ALDH1L2: variants seen among roughly 807,000 people sequenced by gnomAD.
ALDH1L2 encodes mitochondrial 10-formyltetrahydrofolate dehydrogenase.
Under a neutral mutation model 111.0 loss-of-function variants are expected in ALDH1L2, and 91 were observed. The observed-to-expected ratio is 0.82, with a 90% CI of 0.69 to 0.98. The LOEUF (loss-of-function observed/expected upper bound fraction) is 0.98, where lower values mean the gene tolerates loss of function less well. Among genes scored for constraint, ALDH1L2 ranks in the 50% least tolerant of loss-of-function variants. ALDH1L2 has a pLI of 0.00. For synonymous variants in ALDH1L2, 374 were observed against 392.6 expected (o/e 0.95, Z 0.56); for missense variants, 995 against 1,126.8 (o/e 0.88, Z 1.67).
At chr12:105,024,658 C>T (rs1162375966) in intron 22 of ALDH1L2, among the ~76,000 whole-genome samples, 179 bp from the exon 23 acceptor site, 1 of 152,208 alleles carries the variant, frequency 6.6e-6, no homozygotes, top group African/African-American at 2.4e-5. Flanking sequence ...TGTTAAGTTG[C>T]AGATCCTGAT....
intron 11 of ALDH1L2, among the ~76,000 whole-genome samples, chr12:105,052,509 A>G (rs1430856919): frequency 6.6e-6 from 1 of 152,184 alleles, no homozygotes; most frequent in African/African-American, 2.4e-5. Context: ...TCTTGCCATG[A>G]GTCTTCAAAG....
At position 105,081,357 on chromosome 12, in the gene ALDH1L2, G is replaced by A. The variant is rs539829053; in HGVS notation, c.48+3032C>T. The stretch of plus-strand genomic sequence containing the variant: ...TGAACAGATAAGACACCAGAGCAGA[G>A]GTCGGGCAATGATGAAACAAGAACC... On this transcript the variant is annotated intron_variant, in intron 1 of 22. Coordinates refer to ENST00000258494, the MANE Select transcript of ALDH1L2 (RefSeq NM_001034173.4). Among the ~76,000 whole-genome samples, 79 of 152,310 alleles carry A rather than the reference G, an allele frequency of 5.2e-4. No individual in the cohort carries two copies. In the South Asian group the frequency reaches 0.012, roughly 23 times the overall value.
chr12:105,040,137 A>C (rs1256971643), intron 16 of ALDH1L2, among the ~76,000 whole-genome samples: 4 of 151,436 alleles, frequency 2.6e-5, no homozygotes, highest in Non-Finnish European at 4.4e-5. Flanking sequence ...AAAAAAAAAA[A>C]AAAAAAAAAA....
chr12:105,024,335 A>G lies in ALDH1L2; in HGVS notation c.*89T>C. The G allele has an allele frequency of 6.6e-7, 1 of 1,507,882 alleles. No individual in the cohort carries two copies. Among genetic ancestry groups the G allele is most frequent in the Non-Finnish European group, 9.2e-7 (1 of 1,089,296 alleles). 93.4% of individuals were successfully genotyped at this position (1,507,882 alleles called of 1,614,324 possible). ...GTGTATTTTTTGGTTTGTGGCTGAC[A>G]CCTCCTGCCTCAACACACCCAATCT... is the stretch of plus-strand genomic sequence containing the variant. On this transcript the variant is annotated 3_prime_UTR_variant, in exon 23 of 23. Transcript: ENST00000258494.
chr12:105,068,725 C>T lies in ALDH1L2; in HGVS notation c.588G>A (p.Lys196=). ...YNRFLFPEGI[K]AMVEAVQLIA... is the part of the protein sequence containing the mutation. Reference sequence around the variant, plus strand: ...GGTGGCAAAATATACTAACCATGGCCTTGATTCCTTCAGGAAAAAGAAACC... The same window carrying T: ...GGTGGCAAAATATACTAACCATGGCTTTGATTCCTTCAGGAAAAAGAAACC... Residue 196 remains lysine (K), a synonymous_variant, in exon 4 of 23, where the codon AAG becomes AAA. Transcript: ENST00000258494. 1 of 1,518,208 alleles carries T rather than the reference C, an allele frequency of 6.6e-7. No individual in the cohort carries two copies. Among genetic ancestry groups the T allele is most frequent in the Non-Finnish European group, 8.8e-7 (1 of 1,133,196 alleles). 94.0% of individuals were successfully genotyped at this position (1,518,208 alleles called of 1,614,324 possible).
intron 15 of ALDH1L2, among the ~76,000 whole-genome samples, chr12:105,045,732 C>G (rs927024638): frequency 6.6e-6 from 1 of 151,980 alleles, no homozygotes; most frequent in African/African-American, 2.4e-5. Flanking sequence ...ACAAAATGGC[C>G]GTGGCCACAT....
chr12:105,051,939 C>CA (rs1308802127), intron 12 of ALDH1L2, 151 bp downstream of exon 12: 1 of 595,462 alleles, frequency 1.7e-6, no homozygotes, highest in Non-Finnish European at 2.5e-6. Context: ...CACGTGCCAC[C>CA]ACTCACGCCT....
intron 10 of ALDH1L2, among the ~76,000 whole-genome samples, chr12:105,055,428 C>T (rs1432027365): frequency 1.3e-5 from 2 of 152,158 alleles, no homozygotes; most frequent in Admixed American, 6.5e-5. Flanking sequence ...GCAACAGCAA[C>T]AAATGTTGTG....
chr12:105,027,067 A>G (rs1008440187), intron 21 of ALDH1L2, among the ~76,000 whole-genome samples: 6 of 152,196 alleles, frequency 3.9e-5, no homozygotes, highest in South Asian at 2.1e-4. Context: ...TAGAGATAGC[A>G]TCTCCCTGTG....
intron 12 of ALDH1L2, among the ~76,000 whole-genome samples, chr12:105,051,543 G>A (rs1472919130): frequency 1.3e-5 from 2 of 152,108 alleles, no homozygotes; most frequent in Non-Finnish European, 2.9e-5. Flanking sequence ...TCCTTTATTG[G>A]ATTTCTTTGA....
At position 105,066,632 on chromosome 12, in the gene ALDH1L2, G is replaced by C; in HGVS notation, c.632C>G (p.Pro211Arg). The C allele has an allele frequency of 6.2e-7, 1 of 1,614,118 alleles. No homozygotes were observed. Among genetic ancestry groups the C allele is most frequent in the Non-Finnish European group, 8.5e-7 (1 of 1,180,032 alleles). The part of the protein sequence containing the change: ...AVQLIADGKA[P>R]RIPQPEEGAT... ...CCCTTCTTCTGGCTGGGGTATACGA[G>C]GAGCTTTTCCATCAGCTATGAGTTG... Residue 211 changes from proline to arginine, a missense_variant, in exon 5 of 23, where the codon CCT becomes CGT. Physicochemically the swap from Pro to Arg is moderately radical, Grantham distance 103. Coordinates refer to ENST00000258494, the MANE Select transcript of ALDH1L2 (RefSeq NM_001034173.4).
intron 1 of ALDH1L2, among the ~76,000 whole-genome samples, chr12:105,077,847 C>T (rs574641399): frequency 6.6e-6 from 1 of 151,750 alleles, no homozygotes; most frequent in African/African-American, 2.4e-5. Context: ...GCTAATAGAA[C>T]CATCTGGGCA....
intron 1 of ALDH1L2, among the ~76,000 whole-genome samples, chr12:105,074,661 G>T (rs915658382): frequency 6.6e-6 from 1 of 151,890 alleles, no homozygotes; most frequent in Admixed American, 6.6e-5. Flanking sequence ...AATGGGATTC[G>T]CTAATGTTCT....
chr12:105,059,186 G>A (rs965868287), intron 9 of ALDH1L2, among the ~76,000 whole-genome samples: 1 of 151,840 alleles, frequency 6.6e-6, no homozygotes, highest in Non-Finnish European at 1.5e-5. Context: ...AGAATCGCTT[G>A]AACCTGGGAG....
At chr12:105,032,313 G>C (rs1874755904) in intron 19 of ALDH1L2, among the ~76,000 whole-genome samples, 1 of 151,756 alleles carries the variant, frequency 6.6e-6, no homozygotes, top group African/African-American at 2.4e-5. Context: ...GAGTAGCTGG[G>C]ATTACAGGCG....
Position 105,031,961 on chromosome 12 carries a change from A to T in ALDH1L2, c.2245-27T>A, listed in dbSNP as rs1313919725. The T allele has an allele frequency of 2.5e-6, 4 of 1,608,866 alleles. No homozygotes were observed. In the African/African-American group the frequency reaches 5.4e-5, roughly 22 times the overall value. On this transcript the variant is annotated intron_variant, in intron 19 of 22. Coordinates refer to ENST00000258494, the MANE Select transcript of ALDH1L2 (RefSeq NM_001034173.4). The stretch of plus-strand genomic sequence containing the variant: ...TGTATGTTACCCAGTCCATAAAAAC[A>T]CAATTCACTGTTAATAATAATGGAG...
At chr12:105,067,082 G>A (rs984051341) in intron 4 of ALDH1L2, among the ~76,000 whole-genome samples, 5 of 152,014 alleles carry the variant, frequency 3.3e-5, no homozygotes, top group African/African-American at 1.2e-4. Flanking sequence ...CGGGCGTGGT[G>A]GTGGGCGCCT....
At chr12:105,033,852 G>A (rs1468525767) in intron 19 of ALDH1L2, among the ~76,000 whole-genome samples, 3 of 152,080 alleles carry the variant, frequency 2.0e-5, no homozygotes, top group African/African-American at 7.2e-5. Context: ...ATCTAGGAGC[G>A]TAACTCTCAC....
Position 105,024,242 on chromosome 12 carries a change from G to A in ALDH1L2, c.*182C>T. 2 of 632,476 alleles carry A rather than the reference G, an allele frequency of 3.2e-6. No homozygotes were observed. Among genetic ancestry groups the A allele is most frequent in the Non-Finnish European group, 5.6e-6 (2 of 355,872 alleles). 39.2% of individuals were successfully genotyped at this position (632,476 alleles called of 1,614,324 possible). ...CAACAACTCCAAATCACTGGAAGGTGTATTAGAAAATACTCAGGCACATGT... is the reference window on the plus strand; with the variant it reads ...CAACAACTCCAAATCACTGGAAGGTATATTAGAAAATACTCAGGCACATGT... On this transcript the variant is annotated 3_prime_UTR_variant, in exon 23 of 23. Coordinates refer to ENST00000258494, the MANE Select transcript of ALDH1L2 (RefSeq NM_001034173.4).
Sources: gnomAD v4.1 joint callset for allele counts (sites outside exome capture counted in the v4.1 genomes callset) on GRCh38, gnomAD v4.1.1 for gene constraint, MANE v1.5 for transcripts, NCBI Gene and HGNC (gene_info 2026-07-23, HGNC 2026-07-21) for gene names.